The following IKZF3 variants were observed in gnomAD, a reference collection of about 807,000 sequenced individuals.
IKZF3 encodes the protein zinc finger protein Aiolos.
A neutral mutation model predicts 49.0 loss-of-function variants in IKZF3; 10 were observed. That is an observed-to-expected ratio of 0.20 (90% CI 0.13 to 0.35). IKZF3 has a LOEUF of 0.35. Among genes scored for constraint, IKZF3 ranks in the 10% least tolerant of loss-of-function variants. The pLI is 1.00. For missense variants in IKZF3, 498 were observed against 664.8 expected (o/e 0.75, Z 2.76); for synonymous variants, 209 against 228.2 (o/e 0.92, Z 0.76).
At chr17:39,824,919 T>C (rs1386055079) in intron 3 of IKZF3, among the ~76,000 whole-genome samples, 1 of 152,024 alleles carries the variant, frequency 6.6e-6, no homozygotes, top group Admixed American at 6.6e-5. Flanking sequence ...ATGATCTCGA[T>C]CTCCTGACCT....
intron 1 of IKZF3, among the ~76,000 whole-genome samples, chr17:39,836,611 G>A (rs550590592): frequency 6.6e-6 from 1 of 152,252 alleles, no homozygotes; most frequent in African/African-American, 2.4e-5. Context: ...TGCTGAAAAA[G>A]GAGTATTAAA....
rs139362856 is a variant in IKZF3 at position 39,822,503 on chromosome 17, C to T, written c.163+6884G>A. On this transcript the variant is annotated intron_variant, in intron 3 of 7. Coordinates refer to ENST00000346872, the MANE Select transcript of IKZF3 (RefSeq NM_012481.5). ...TGCCATGATTGTAAGTTTCCTGAGG[C>T]CTCCCCAGCCATGCAGAACTGTGAG... is the stretch of plus-strand genomic sequence containing the variant. Among the ~76,000 whole-genome samples the T allele has an allele frequency of 6.9e-3, 1,048 of 152,172 alleles. 14 individuals are homozygous for T. Among genetic ancestry groups the T allele is most frequent in the African/African-American group, 0.024 (1,002 of 41,518 alleles).
At chr17:39,834,664 G>A (rs2062211522) in intron 1 of IKZF3, among the ~76,000 whole-genome samples, 1 of 152,170 alleles carries the variant, frequency 6.6e-6, no homozygotes, top group Non-Finnish European at 1.5e-5. Context: ...TGTGCCATGT[G>A]TAGTTGAGAC....
chr17:39,771,073 A>G (rs2060428156), intron 7 of IKZF3, among the ~76,000 whole-genome samples: 1 of 152,220 alleles, frequency 6.6e-6, no homozygotes, highest in Admixed American at 6.5e-5. Flanking sequence ...CCAGTTGGTG[A>G]ACAGAGAACC....
chr17:39,843,708 A>G (rs533548958), intron 1 of IKZF3, among the ~76,000 whole-genome samples: 1 of 152,072 alleles, frequency 6.6e-6, no homozygotes, highest in South Asian at 2.1e-4. Flanking sequence ...CTTAGCATTC[A>G]TAACAGGAAA....
Position 39,759,366 on chromosome 17 carries a change from GTAAGCCTTGATTGTGCCACTGCAC to G in IKZF3, c.*6400_*6423del, listed in dbSNP as rs1312393288. The G allele has an allele frequency of 6.6e-5, 10 of 152,086 alleles. No homozygotes were observed. The highest frequency in any genetic ancestry group is 6.6e-4 in the Admixed American group (10 of 15,258). 9.4% of individuals were successfully genotyped at this position (152,086 alleles called of 1,614,324 possible). A position where few individuals can be genotyped will look rare whatever the true frequency, so the allele number is the denominator to read the frequency against. On this transcript the variant is annotated 3_prime_UTR_variant, in exon 8 of 8. Coordinates refer to ENST00000346872, the MANE Select transcript of IKZF3 (RefSeq NM_012481.5). ...TGAGCCCAGGAGGTTGAGGCGGCAA[GTAAGCCTTGATTGTGCCACTGCAC>G]TCAGCCTGGGGAAACAGAGCGAGAC...
intron 1 of IKZF3, chr17:39,835,490 C>A (rs2062246899): frequency 4.5e-6 from 2 of 442,588 alleles, no homozygotes; most frequent in Non-Finnish European, 4.5e-6. Context: ...TTGGAGATCT[C>A]CGTCTTTGTA....
At position 39,766,376 on chromosome 17, in the gene IKZF3, A is replaced by C. The variant is rs946153649; in HGVS notation, c.944T>G (p.Leu315Arg). 1.2e-6 allele frequency: 2 copies of C among 1,614,084 alleles called. No individual in the cohort carries two copies. Among genetic ancestry groups the C allele is most frequent in the Non-Finnish European group, 1.7e-6 (2 of 1,180,040 alleles). ...CAAGGGGCGCAGGGCTTCGGCGCCA[A>C]GATAGCTGATGGCGTTATTGATGGC... ...DQAINNAISY[L>R]GAEALRPLVQ... The change falls in exon 8 of 8, where the codon CTT becomes CGT. Residue 315 changes from leucine to arginine, a missense_variant. Leu to Arg is a moderately radical substitution (Grantham distance 102). Around this residue, in one of 3 missense-constraint regions of IKZF3, gnomAD observed 317 missense variants for 397.3 expected, o/e 0.80. Coordinates refer to ENST00000346872, the MANE Select transcript of IKZF3 (RefSeq NM_012481.5).
chr17:39,801,781 A>G (rs535264940), intron 3 of IKZF3, among the ~76,000 whole-genome samples: 22 of 152,366 alleles, frequency 1.4e-4, no homozygotes, highest in Middle Eastern at 3.4e-3. Flanking sequence ...TAAAGCTTCA[A>G]TGCAAACTAA....
intron 7 of IKZF3, among the ~76,000 whole-genome samples, chr17:39,768,134 GC>G (rs908616414): frequency 6.6e-6 from 1 of 152,144 alleles, no homozygotes; most frequent in African/African-American, 2.4e-5. Flanking sequence ...AGGCATTTAG[GC>G]AGGGAAGTAA....
At chr17:39,768,733 T>C (rs2060360229) in intron 7 of IKZF3, among the ~76,000 whole-genome samples, 1 of 152,266 alleles carries the variant, frequency 6.6e-6, no homozygotes, top group Non-Finnish European at 1.5e-5. Context: ...TTCCTCTGTT[T>C]GATTTGGTTC....
chr17:39,793,173 T>C (rs987200842), intron 3 of IKZF3, among the ~76,000 whole-genome samples: 31 of 152,220 alleles, frequency 2.0e-4, no homozygotes, highest in Admixed American at 2.0e-3. Context: ...TTTTAGGCTA[T>C]CCAGAAAATT....
intron 6 of IKZF3, among the ~76,000 whole-genome samples, chr17:39,781,923 G>A (rs776450554): frequency 7.2e-5 from 11 of 152,160 alleles, no homozygotes; most frequent in Non-Finnish European, 1.5e-4. Flanking sequence ...TTTGAGGCAT[G>A]GGTGGAGACT....
chr17:39,765,751 G>T lies in IKZF3; in HGVS notation c.*39C>A. 6.8e-7 allele frequency: 1 copy of T among 1,463,958 alleles called. No homozygotes were observed. The highest frequency in any genetic ancestry group is 1.3e-5 in the South Asian group (1 of 77,668). The allele number at this position is 1,463,958 out of a possible 1,614,324, so 90.7% of individuals were successfully genotyped here. ...GGCGAGGTCATTGGTTTTTAGAAAC[G>T]ATGCTGAATACATAGGAGCAATCCC... On this transcript the variant is annotated 3_prime_UTR_variant, in exon 8 of 8. Coordinates refer to ENST00000346872, the MANE Select transcript of IKZF3 (RefSeq NM_012481.5).
chr17:39,807,705 A>G (rs758743596), intron 3 of IKZF3, among the ~76,000 whole-genome samples: 1 of 151,926 alleles, frequency 6.6e-6, no homozygotes, highest in Non-Finnish European at 1.5e-5. Flanking sequence ...AAAAGAAATA[A>G]AAGAAACAAA....
intron 1 of IKZF3, among the ~76,000 whole-genome samples, chr17:39,838,596 T>C (rs1456172820): frequency 2.0e-5 from 3 of 152,222 alleles, no homozygotes; most frequent in Admixed American, 2.0e-4. Context: ...TTTCCTTCTA[T>C]AACTTCAATT....
intron 3 of IKZF3, among the ~76,000 whole-genome samples, chr17:39,826,909 T>G (rs1048087540): frequency 2.0e-5 from 3 of 152,234 alleles, no homozygotes; most frequent in Non-Finnish European, 4.4e-5. Flanking sequence ...ATGGGGAAGA[T>G]TCCCCAGGGG....
chr17:39,793,538 T>C (rs35352075), intron 3 of IKZF3, among the ~76,000 whole-genome samples: 8,754 of 152,268 alleles, frequency 0.057, 389 homozygotes, highest in African/African-American at 0.12. Context: ...GTAGAGGAAG[T>C]TGTCAGTACT....
chr17:39,784,921 G>C (rs1025749720), intron 6 of IKZF3, among the ~76,000 whole-genome samples: 5 of 152,152 alleles, frequency 3.3e-5, no homozygotes, highest in African/African-American at 1.2e-4. Context: ...AGAAAGTCCT[G>C]CTTCCCCTTG....
Sources: gnomAD v4.1 joint callset for allele counts (sites outside exome capture counted in the v4.1 genomes callset) on GRCh38, gnomAD v4.1.1 for gene constraint, gnomAD v4.1.1 regional missense constraint, MANE v1.5 for transcripts, NCBI Gene and HGNC (gene_info 2026-07-23, HGNC 2026-07-21) for gene names.